IQCM: variants seen among roughly 807,000 people sequenced by gnomAD.
IQCM encodes the protein IQ domain-containing protein M.
A neutral mutation model predicts 57.6 loss-of-function variants in IQCM; 45 were observed. The ratio of observed to expected loss-of-function variants is 0.78; its 90% CI spans 0.62 to 1.00. IQCM has a LOEUF of 1.00. Ranked by LOEUF, IQCM falls within the 50% of genes least tolerant of loss-of-function variation. The pLI is 0.00. For missense variants in IQCM, 468 were observed against 511.6 expected (o/e 0.91, Z 0.82); for synonymous variants, 148 against 158.9 (o/e 0.93, Z 0.51).
At chr4:149,571,060 G>A (rs1358515730) in intron 9 of IQCM, among the ~76,000 whole-genome samples, 1 of 152,026 alleles carries the variant, frequency 6.6e-6, no homozygotes, top group African/African-American at 2.4e-5. Context: ...ATGTAAATTA[G>A]CACAACCTTA....
intron 13 of IQCM, among the ~76,000 whole-genome samples, chr4:149,371,505 G>T (rs548393116): frequency 6.6e-6 from 1 of 152,240 alleles, no homozygotes; most frequent in Non-Finnish European, 1.5e-5. Context: ...GTCTCCAAGA[G>T]TATCTATCTT....
intron 5 of IQCM, among the ~76,000 whole-genome samples, chr4:149,703,306 A>C (rs1164973979): frequency 1.3e-5 from 2 of 151,986 alleles, no homozygotes; most frequent in African/African-American, 4.8e-5. Context: ...AAATGGGTTT[A>C]TGGAATTAAC....
chr4:149,470,549 C>T (rs1054286951), intron 12 of IQCM, among the ~76,000 whole-genome samples: 1 of 152,116 alleles, frequency 6.6e-6, no homozygotes, highest in Non-Finnish European at 1.5e-5. Context: ...CCACTGTCGA[C>T]ATTAGACAGA....
chr4:149,506,167 G>C (rs72955458), intron 12 of IQCM, among the ~76,000 whole-genome samples: 2,915 of 152,276 alleles, frequency 0.019, 60 homozygotes, highest in African/African-American at 0.055. Context: ...AGTGGAGAAC[G>C]AGGAAGATGG....
At chr4:149,706,087 AG>A (rs1372004886) in intron 5 of IQCM, among the ~76,000 whole-genome samples, 1 of 151,942 alleles carries the variant, frequency 6.6e-6, no homozygotes, top group Non-Finnish European at 1.5e-5. Context: ...TTTTTAAAAA[AG>A]TTTCAAGATA....
chr4:149,718,173 C>T (rs1387217813), intron 5 of IQCM, among the ~76,000 whole-genome samples: 3 of 152,198 alleles, frequency 2.0e-5, no homozygotes, highest in African/African-American at 4.8e-5. Flanking sequence ...CTCTAATCAA[C>T]TTCCACCATA....
intron 5 of IQCM, among the ~76,000 whole-genome samples, chr4:149,719,203 G>A (rs1765238010): frequency 6.6e-6 from 1 of 152,062 alleles, no homozygotes; most frequent in Admixed American, 6.5e-5. Flanking sequence ...AATTAGCTGG[G>A]TGTGGTGGCA....
chr4:149,359,167 C>G (rs553661717), intron 13 of IQCM, among the ~76,000 whole-genome samples: 1 of 151,672 alleles, frequency 6.6e-6, no homozygotes, highest in African/African-American at 2.4e-5. Flanking sequence ...CTCGTTGGTC[C>G]CCAAGAACAA....
At chr4:149,752,675 G>C (rs1218586332) in intron 2 of IQCM, among the ~76,000 whole-genome samples, 4 of 152,128 alleles carry the variant, frequency 2.6e-5, no homozygotes, top group Non-Finnish European at 5.9e-5. Flanking sequence ...GAGGGGTGAT[G>C]GGACTGAAGC....
intron 12 of IQCM, among the ~76,000 whole-genome samples, chr4:149,504,474 G>A (rs571063587): frequency 3.3e-5 from 5 of 151,376 alleles, no homozygotes; most frequent in African/African-American, 1.2e-4. Context: ...CCACCGCCCA[G>A]CCCACACCCA....
At chr4:149,375,262 G>A (rs1016248868) in intron 13 of IQCM, among the ~76,000 whole-genome samples, 3 of 152,058 alleles carry the variant, frequency 2.0e-5, no homozygotes, top group Non-Finnish European at 4.4e-5. Context: ...GTACCTGACC[G>A]AAACTACATT....
intron 7 of IQCM, among the ~76,000 whole-genome samples, chr4:149,637,887 A>T (rs1437084790): frequency 2.0e-5 from 3 of 152,248 alleles, no homozygotes; most frequent in Non-Finnish European, 2.9e-5. Flanking sequence ...GAATAACTAT[A>T]GAAAATATTC....
intron 12 of IQCM, among the ~76,000 whole-genome samples, chr4:149,441,314 A>G (rs992240061): frequency 3.3e-5 from 5 of 152,168 alleles, no homozygotes; most frequent in African/African-American, 4.8e-5. Flanking sequence ...CTCTCCATTT[A>G]TGGACCTGTG....
intron 5 of IQCM, among the ~76,000 whole-genome samples, chr4:149,686,948 G>A (rs1762583553): frequency 6.6e-6 from 1 of 151,412 alleles, no homozygotes; most frequent in African/African-American, 2.4e-5. Flanking sequence ...TTCACAAAAG[G>A]CAAAGGTTCT....
intron 9 of IQCM, among the ~76,000 whole-genome samples, chr4:149,574,089 C>T (rs114983936): frequency 2.6e-3 from 394 of 151,924 alleles, no homozygotes; most frequent in African/African-American, 9.2e-3. Context: ...TTTTATGCCA[C>T]GGACTTTATG....
At chr4:149,814,853 C>T (rs1388990709) in intron 2 of IQCM, among the ~76,000 whole-genome samples, 1 of 151,864 alleles carries the variant, frequency 6.6e-6, no homozygotes, top group Non-Finnish European at 1.5e-5. Context: ...CAGTTAAAAG[C>T]TAGGATTTTT....
At chr4:149,583,168 G>T (rs1752362526) in intron 9 of IQCM, among the ~76,000 whole-genome samples, 1 of 151,308 alleles carries the variant, frequency 6.6e-6, no homozygotes, top group Non-Finnish European at 1.5e-5. Context: ...ATAGGAAGAA[G>T]GAAGAATACA....
intron 7 of IQCM, among the ~76,000 whole-genome samples, chr4:149,669,113 A>G (rs1277170840): frequency 6.6e-6 from 1 of 152,122 alleles, no homozygotes; most frequent in Non-Finnish European, 1.5e-5. Context: ...AAGTGTTCCT[A>G]TTTCTCCACA....
intron 3 of IQCM, among the ~76,000 whole-genome samples, chr4:149,742,185 A>G (rs1295451497): frequency 6.6e-6 from 1 of 152,096 alleles, no homozygotes; most frequent in Non-Finnish European, 1.5e-5. Flanking sequence ...TCGAAACTCT[A>G]TATGTATTTT....
Sources: gnomAD v4.1 joint callset for allele counts (sites outside exome capture counted in the v4.1 genomes callset) on GRCh38, gnomAD v4.1.1 for gene constraint, MANE v1.5 for transcripts, NCBI Gene and HGNC (gene_info 2026-07-23, HGNC 2026-07-21) for gene names.